Variants in TMEM69 observed in about 807,000 individuals in gnomAD.
TMEM69 encodes transmembrane protein 69.
TMEM69 carries 17 observed loss-of-function variants against 15.8 expected under a neutral mutation model. The ratio of observed to expected loss-of-function variants is 1.07; its 90% CI spans 0.73 to 1.61. TMEM69 has a LOEUF of 1.61. Ranked by LOEUF, TMEM69 falls within the 40% of genes most tolerant of loss-of-function variation. The pLI is 0.00. For missense variants in TMEM69, 230 were observed against 286.1 expected (o/e 0.80, Z 1.41); for synonymous variants, 80 against 98.6 (o/e 0.81, Z 1.12).
intron 1 of TMEM69, among the ~76,000 whole-genome samples, chr1:45,690,163 A>G (rs1008792074): frequency 6.6e-6 from 1 of 152,088 alleles, no homozygotes; most frequent in African/African-American, 2.4e-5. Flanking sequence ...CCAACAGGCT[A>G]TTCTCTCTCA....
Position 45,693,477 on chromosome 1 carries a change from A to G in TMEM69, c.316A>G (p.Ile106Val). ...ATTATGTGTAACTCTGGCAGGACTA[A>G]TCCCCTTCGTTGCTCCACCACTGGT... ...PALCVTLAGL[I>V]PFVAPPLVML... is the part of the protein sequence containing the mutation. Residue 106 changes from isoleucine to valine, a missense_variant, in exon 3 of 3, where the codon ATC becomes GTC. Coordinates refer to ENST00000372025, the MANE Select transcript of TMEM69 (RefSeq NM_016486.4). The G allele has an allele frequency of 6.2e-7, 1 of 1,614,212 alleles. No individual in the cohort carries two copies. The highest frequency in any genetic ancestry group is 8.5e-7 in the Non-Finnish European group (1 of 1,180,040).
intron 2 of TMEM69, 60 bp downstream of exon 2, chr1:45,691,170 G>A: frequency 6.6e-7 from 1 of 1,514,432 alleles, no homozygotes; most frequent in Non-Finnish European, 9.2e-7. Context: ...GGCTAGGTCA[G>A]TAGCAGTGAA....
Position 45,693,367 on chromosome 1 carries a change from G to A in TMEM69, c.206G>A (p.Cys69Tyr), listed in dbSNP as rs34055078. The change falls in exon 3 of 3, where the codon TGC becomes TAC. Residue 69 changes from cysteine (C) to tyrosine (Y), a missense_variant. By Grantham distance (194) the Cys-to-Tyr change is radical. Transcript: ENST00000372025. ...SKTQCYHTSP[C>Y]SFKKQQKQAL... Reference sequence around the variant, plus strand: ...ACACAGTGCTATCATACATCCCCCTGCAGCTTTAAAAAGCAGCAGAAGCAA... The same window carrying A: ...ACACAGTGCTATCATACATCCCCCTACAGCTTTAAAAAGCAGCAGAAGCAA... 6.2e-5 allele frequency: 100 copies of A among 1,613,968 alleles called. No homozygotes were observed. Among genetic ancestry groups the A allele is most frequent in the Non-Finnish European group, 7.5e-5 (88 of 1,180,036 alleles).
At chr1:45,693,112 C>T in intron 2 of TMEM69, 92 bp from the exon 3 acceptor site, 2 of 920,476 alleles carry the variant, frequency 2.2e-6, no homozygotes. Flanking sequence ...TCCTTTCAAA[C>T]AATCCCCATT....
Position 45,693,503 on chromosome 1 carries a change from C to T in TMEM69, c.342C>T (p.Val114=), listed in dbSNP as rs1421627607. Residue 114 remains valine (V), a synonymous_variant, in exon 3 of 3, where the codon GTC becomes GTT. Coordinates refer to ENST00000372025, the MANE Select transcript of TMEM69 (RefSeq NM_016486.4). ...GLIPFVAPPL[V]MLMTKTYIPI... is the part of the protein sequence containing the mutation. The stretch of plus-strand genomic sequence containing the variant: ...TCCCCTTCGTTGCTCCACCACTGGT[C>T]ATGCTGATGACAAAAACTTATATTC... The T allele has an allele frequency of 1.2e-6, 2 of 1,614,160 alleles. No individual in the cohort carries two copies. The highest frequency in any genetic ancestry group is 1.7e-6 in the Non-Finnish European group (2 of 1,180,050).
chr1:45,691,620 C>G, intron 2 of TMEM69, among the ~76,000 whole-genome samples: 1 of 152,000 alleles, frequency 6.6e-6, no homozygotes, highest in East Asian at 1.9e-4. Context: ...AGGTGGATCA[C>G]TTGAGGTCAG....
intron 1 of TMEM69, among the ~76,000 whole-genome samples, chr1:45,689,538 T>C (rs1645329918): frequency 6.6e-6 from 1 of 151,920 alleles, no homozygotes; most frequent in South Asian, 2.1e-4. Flanking sequence ...AAACCCCTTC[T>C]ATACAAAAAA....
At chr1:45,691,188 A>G in intron 2 of TMEM69, 78 bp downstream of exon 2, 2 of 1,261,004 alleles carry the variant, frequency 1.6e-6, no homozygotes, top group Non-Finnish European at 1.2e-6. Context: ...GAAAAAGACA[A>G]AAATCCTTAC....
At position 45,694,141 on chromosome 1, in the gene TMEM69, AAT is replaced by A. The variant is rs145384782; in HGVS notation, c.*248_*249del. The A allele has an allele frequency of 7.4e-4, 218 of 293,062 alleles. No individual in the cohort carries two copies. Among genetic ancestry groups the A allele is most frequent in the East Asian group, 9.1e-4 (16 of 17,542 alleles). The allele number at this position is 293,062 out of a possible 1,614,324, so 18.2% of individuals were successfully genotyped here. On this transcript the variant is annotated 3_prime_UTR_variant, in exon 3 of 3. Coordinates refer to ENST00000372025, the MANE Select transcript of TMEM69 (RefSeq NM_016486.4). Reference sequence around the variant, plus strand: ...TTACTTTTTAGTTAAAAGTTTTAAAAATATATATATATAAATACACTGTAGAT... The same window carrying A: ...TTACTTTTTAGTTAAAAGTTTTAAAAATATATATATAAATACACTGTAGAT...
intron 1 of TMEM69, among the ~76,000 whole-genome samples, chr1:45,689,542 C>CA (rs561282643): frequency 2.0e-5 from 3 of 151,930 alleles, no homozygotes; most frequent in Admixed American, 6.6e-5. Context: ...CCCTTCTATA[C>CA]AAAAAATACA....
Position 45,694,204 on chromosome 1 carries a change from T to C in TMEM69, c.*299T>C. 2.0e-6 allele frequency: 1 copy of C among 510,358 alleles called. No individual in the cohort carries two copies. Among genetic ancestry groups the C allele is most frequent in the Non-Finnish European group, 3.4e-6 (1 of 290,150 alleles). The allele number at this position is 510,358 out of a possible 1,614,324, so 31.6% of individuals were successfully genotyped here. A position where few individuals can be genotyped will look rare whatever the true frequency, so the allele number is the denominator to read the frequency against. On this transcript the variant is annotated 3_prime_UTR_variant, in exon 3 of 3. Transcript: ENST00000372025. The stretch of plus-strand genomic sequence containing the variant: ...TGCCAGCTACACCTTTTTCTACTTC[T>C]GTTTGGCTTTTTTTCCCCACACCAA...
chr1:45,689,599 T>C (rs550712753), intron 1 of TMEM69, among the ~76,000 whole-genome samples: 1 of 152,238 alleles, frequency 6.6e-6, no homozygotes, highest in East Asian at 1.9e-4. Context: ...TCCCAGCACT[T>C]TGGGAGGCCA....
chr1:45,693,639 C>G lies in TMEM69; in HGVS notation c.478C>G (p.Leu160Val). The G allele has an allele frequency of 6.2e-7, 1 of 1,614,152 alleles. No individual in the cohort carries two copies. The highest frequency in any genetic ancestry group is 8.5e-7 in the Non-Finnish European group (1 of 1,180,038). ...AGGTAGTCCAGCCAAACCAGACTAC[C>G]TTAATTTAGCTAGCAGTGCAGCTCC... is the stretch of plus-strand genomic sequence containing the variant. ...PEGSPAKPDY[L>V]NLASSAAPLF... Residue 160 changes from leucine (L) to valine (V), a missense_variant, in exon 3 of 3, where the codon CTT (leucine) becomes GTT (valine). Coordinates refer to ENST00000372025, the MANE Select transcript of TMEM69 (RefSeq NM_016486.4).
In TMEM69 at chr1:45,694,027, G is replaced by A. The variant is rs975229422; in HGVS notation, c.*122G>A. On this transcript the variant is annotated 3_prime_UTR_variant, in exon 3 of 3. Coordinates refer to ENST00000372025, the MANE Select transcript of TMEM69 (RefSeq NM_016486.4). Reference sequence around the variant, plus strand: ...GGAAGTGTGACAAGCGCCTCTGCCCGGCCGCTGTGCAACCTTCCACGTGTG... The same window carrying A: ...GGAAGTGTGACAAGCGCCTCTGCCCAGCCGCTGTGCAACCTTCCACGTGTG... 79 of 623,264 alleles carry A rather than the reference G, an allele frequency of 1.3e-4. 1 individual carries two copies. Among genetic ancestry groups the A allele is most frequent in the African/African-American group, 3.0e-4 (16 of 54,014 alleles). 38.6% of individuals were successfully genotyped at this position (623,264 alleles called of 1,614,324 possible).
chr1:45,689,617 C>T (rs186755912), intron 1 of TMEM69, among the ~76,000 whole-genome samples: 10 of 152,102 alleles, frequency 6.6e-5, no homozygotes, highest in South Asian at 2.1e-4. Flanking sequence ...CCAAAGCAGG[C>T]GGATCACGAG....
chr1:45,693,100 G>A, intron 2 of TMEM69, 104 bp from the exon 3 acceptor site: 2 of 785,250 alleles, frequency 2.5e-6, no homozygotes, highest in East Asian at 2.7e-5. Flanking sequence ...TTTTTTGTTT[G>A]CTCCTTTCAA....
At chr1:45,688,957 G>C (rs934312751) in intron 1 of TMEM69, among the ~76,000 whole-genome samples, 2 of 148,684 alleles carry the variant, frequency 1.3e-5, no homozygotes, top group African/African-American at 5.0e-5. Flanking sequence ...GGGCTGGAGT[G>C]CAATGGCGCG....
chr1:45,691,754 T>A (rs866185000), intron 2 of TMEM69, among the ~76,000 whole-genome samples: 7 of 110,928 alleles, frequency 6.3e-5, no homozygotes, highest in Non-Finnish European at 1.2e-4. Context: ...GGCAGAAGAA[T>A]CACTTGAACC....
At chr1:45,692,696 G>GT (rs1223181385) in intron 2 of TMEM69, among the ~76,000 whole-genome samples, 1 of 152,224 alleles carries the variant, frequency 6.6e-6, no homozygotes, top group Non-Finnish European at 1.5e-5. Context: ...TAGGAAAGTA[G>GT]TAAGAGCTAG....
Sources: gnomAD v4.1 joint callset for allele counts (sites outside exome capture counted in the v4.1 genomes callset) on GRCh38, gnomAD v4.1.1 for gene constraint, MANE v1.5 for transcripts, NCBI Gene and HGNC (gene_info 2026-07-23, HGNC 2026-07-21) for gene names.